PLD5: variants seen among roughly 807,000 people sequenced by gnomAD.
The protein encoded by PLD5 is phospholipase D family member 5.
PLD5 carries 36 observed loss-of-function variants against 61.1 expected under a neutral mutation model. The observed-to-expected ratio is 0.59, with a 90% CI of 0.45 to 0.78. The LOEUF is 0.78. PLD5 is among the 30% of genes least tolerant of loss of function. The probability of loss-of-function intolerance (pLI) is 0.00; values close to 1 mark genes in which losing one functional copy is unlikely to be tolerated. For missense variants in PLD5, 515 were observed against 644.4 expected (o/e 0.80, Z 2.17); for synonymous variants, 243 against 242.8 (o/e 1.00, Z -0.01).
At chr1:242,427,686 T>A (rs935269863) in intron 1 of PLD5, among the ~76,000 whole-genome samples, 1 of 152,222 alleles carries the variant, frequency 6.6e-6, no homozygotes, top group African/African-American at 2.4e-5. Context: ...CTGTGCATCA[T>A]CTGGAGCAGA....
chr1:242,307,361 GGTGATGA>G (rs1676437378), intron 2 of PLD5, among the ~76,000 whole-genome samples: 3 of 152,086 alleles, frequency 2.0e-5, no homozygotes, highest in East Asian at 3.9e-4. Flanking sequence ...TGATGATGAT[GGTGATGA>G]TGATGATGAT....
intron 3 of PLD5, among the ~76,000 whole-genome samples, chr1:242,286,599 T>C (rs1675039845): frequency 1.3e-5 from 2 of 152,204 alleles, no homozygotes; most frequent in African/African-American, 4.8e-5. Flanking sequence ...AGAAATTGAC[T>C]GCCCCCACAC....
At chr1:242,170,506 G>A (rs1440886747) in intron 5 of PLD5, among the ~76,000 whole-genome samples, 1 of 152,134 alleles carries the variant, frequency 6.6e-6, no homozygotes, top group Admixed American at 6.5e-5. Flanking sequence ...CTTCTCCAAA[G>A]GATCACAACT....
chr1:242,283,313 G>GGA (rs1674826318), intron 3 of PLD5, among the ~76,000 whole-genome samples: 1 of 152,150 alleles, frequency 6.6e-6, no homozygotes, highest in Non-Finnish European at 1.5e-5. Flanking sequence ...TACTCTTCCA[G>GGA]AGACCAGACC....
Position 242,361,621 on chromosome 1 carries a change from C to T in PLD5, c.190-13379G>A, listed in dbSNP as rs562869141. Among the ~76,000 whole-genome samples the T allele has an allele frequency of 3.3e-5, 5 of 152,290 alleles. No individual in the cohort carries two copies. In the East Asian group the frequency reaches 9.6e-4, roughly 29 times the overall value. ...TAGCATCAGCATCAGCCAATCTGTA[C>T]TTTCACAGCAGTTTACATGCATATG... On this transcript the variant is annotated intron_variant, in intron 1 of 9. Transcript: ENST00000536534.
intron 5 of PLD5, among the ~76,000 whole-genome samples, chr1:242,190,138 C>CTTTTTTTTTTTTTTTTTT (rs902616187): frequency 1.3e-5 from 1 of 74,382 alleles, no homozygotes; most frequent in African/African-American, 5.7e-5. Context: ...GACAGGACTC[C>CTTTTTTTTTTTTTTTTTT]TTTTTTTTTT....
intron 3 of PLD5, among the ~76,000 whole-genome samples, chr1:242,271,908 C>T (rs1404243274): frequency 6.6e-5 from 10 of 151,252 alleles, no homozygotes; most frequent in African/African-American, 1.9e-4. Flanking sequence ...TCAATGGGAG[C>T]GATATTGCCC....
At chr1:242,295,956 T>C (rs1482615650) in intron 2 of PLD5, among the ~76,000 whole-genome samples, 1 of 152,240 alleles carries the variant, frequency 6.6e-6, no homozygotes, top group Non-Finnish European at 1.5e-5. Flanking sequence ...TAGAGAACAA[T>C]TCAAAACGAA....
chr1:242,135,203 T>G (rs1663623854), intron 5 of PLD5, among the ~76,000 whole-genome samples: 1 of 152,170 alleles, frequency 6.6e-6, no homozygotes. Context: ...ATACAGACAT[T>G]TATATCTGCA....
At chr1:242,092,000 G>A in intron 9 of PLD5, among the ~76,000 whole-genome samples, 1 of 151,644 alleles carries the variant, frequency 6.6e-6, no homozygotes, top group East Asian at 1.9e-4. Context: ...CTAATTTTTT[G>A]TATTTTTAGT....
intron 1 of PLD5, among the ~76,000 whole-genome samples, chr1:242,357,873 A>G (rs1003158893): frequency 6.6e-6 from 1 of 152,132 alleles, no homozygotes; most frequent in Non-Finnish European, 1.5e-5. Flanking sequence ...TGTATTATGC[A>G]CAGGTTAGGC....
intron 4 of PLD5, among the ~76,000 whole-genome samples, chr1:242,232,884 G>A (rs1044006522): frequency 1.3e-5 from 2 of 151,772 alleles, no homozygotes; most frequent in South Asian, 2.1e-4. Context: ...GCTGGGTGCG[G>A]TGGCTCACAC....
chr1:242,084,762 T>C lies in PLD5; in HGVS notation c.*5092A>G. ...ATTTATTGGAAAGGTTTTTTTTTTTTTTTTTTTTTTTTTTTTAGAGAAAGA... is the reference window on the plus strand; with the variant it reads ...ATTTATTGGAAAGGTTTTTTTTTTTCTTTTTTTTTTTTTTTTAGAGAAAGA... On this transcript the variant is annotated 3_prime_UTR_variant, in exon 10 of 10. Transcript: ENST00000536534. The C allele has an allele frequency of 6.8e-6, 1 of 146,530 alleles. No homozygotes were observed. The highest frequency in any genetic ancestry group is 2.0e-4 in the East Asian group (1 of 5,020). 9.1% of individuals were successfully genotyped at this position (146,530 alleles called of 1,614,324 possible).
chr1:242,411,471 G>A (rs530874184), intron 1 of PLD5, among the ~76,000 whole-genome samples: 14 of 152,192 alleles, frequency 9.2e-5, no homozygotes, highest in African/African-American at 2.6e-4. Flanking sequence ...TCCTGACCTC[G>A]TGATCCACCT....
At chr1:242,526,029 G>T (rs527258531), upstream of PLD5, among the ~76,000 whole-genome samples, 116 of 152,294 alleles carry the variant, frequency 7.6e-4, no homozygotes, top group African/African-American at 2.6e-3. Flanking sequence ...CAAGATAAAT[G>T]TTATTAACCC....
chr1:242,161,009 T>C (rs1665781551), intron 5 of PLD5, among the ~76,000 whole-genome samples: 1 of 61,594 alleles, frequency 1.6e-5, no homozygotes, highest in Admixed American at 1.4e-4. Context: ...TGGGGACTTA[T>C]ATTATCTTTT....
intron 5 of PLD5, chr1:242,210,315 C>T (rs185003166): frequency 6.6e-6 from 1 of 152,514 alleles, no homozygotes; most frequent in East Asian, 1.9e-4. Flanking sequence ...TAGATCTAAC[C>T]ACTGTCAGGC....
At chr1:242,255,158 C>T (rs1672943372) in intron 4 of PLD5, among the ~76,000 whole-genome samples, 2 of 152,064 alleles carry the variant, frequency 1.3e-5, no homozygotes, top group African/African-American at 4.8e-5. Context: ...ATTCCACATT[C>T]ATGATAACCA....
chr1:242,308,578 T>C (rs1214305643), intron 2 of PLD5, among the ~76,000 whole-genome samples: 4 of 152,134 alleles, frequency 2.6e-5, no homozygotes, highest in Non-Finnish European at 5.9e-5. Context: ...CATATATACA[T>C]ATACTATATA....
Sources: gnomAD v4.1 joint callset for allele counts (sites outside exome capture counted in the v4.1 genomes callset) on GRCh38, gnomAD v4.1.1 for gene constraint, MANE v1.5 for transcripts, NCBI Gene and HGNC (gene_info 2026-07-23, HGNC 2026-07-21) for gene names.